SPAG17: variants seen among roughly 807,000 people sequenced by gnomAD.
The protein encoded by SPAG17 is sperm-associated antigen 17.
In SPAG17, 169 loss-of-function variants were observed where a neutral mutation model predicts 273.6. The observed-to-expected ratio is 0.62, with a 90% CI of 0.55 to 0.70. The LOEUF (loss-of-function observed/expected upper bound fraction) is 0.70, where lower values mean the gene tolerates loss of function less well. SPAG17 is among the 30% of genes least tolerant of loss of function. The probability of loss-of-function intolerance (pLI) is 0.00; values close to 1 mark genes in which losing one functional copy is unlikely to be tolerated. For synonymous variants in SPAG17, 825 were observed against 873.2 expected (o/e 0.94, Z 0.97); for missense variants, 2,557 against 2,627.8 (o/e 0.97, Z 0.59).
At chr1:117,980,147 C>A (rs1172654772) in intron 43 of SPAG17, among the ~76,000 whole-genome samples, 2 of 152,148 alleles carry the variant, frequency 1.3e-5, no homozygotes, top group Non-Finnish European at 2.9e-5. Context: ...AGTAATTATC[C>A]ACTGAATGAA....
intron 1 of SPAG17, among the ~76,000 whole-genome samples, chr1:118,152,491 T>C (rs1659442414): frequency 6.6e-6 from 1 of 152,228 alleles, no homozygotes; most frequent in Non-Finnish European, 1.5e-5. Context: ...GTATTAATTC[T>C]TTCTTACCAT....
chr1:118,112,277 C>G (rs1656806707), intron 4 of SPAG17, among the ~76,000 whole-genome samples: 1 of 151,764 alleles, frequency 6.6e-6, no homozygotes, highest in African/African-American at 2.4e-5. Context: ...ATATAATATT[C>G]AGATAATGAC....
At chr1:118,115,258 C>T in intron 4 of SPAG17, 52 bp downstream of exon 4, 1 of 1,596,552 alleles carries the variant, frequency 6.3e-7, no homozygotes, top group Non-Finnish European at 8.5e-7. Flanking sequence ...AACCTGGCTC[C>T]ATTTCATTCA....
chr1:118,003,308 T>C lies in SPAG17; in HGVS notation c.4776+2106A>G, dbSNP rs900889546. ...GAATTTGACACTTGTGTCTTGGGGTTGCTCTTCTCGAGGAGTATCTTTGTG... is the reference window on the plus strand; with the variant it reads ...GAATTTGACACTTGTGTCTTGGGGTCGCTCTTCTCGAGGAGTATCTTTGTG... On this transcript the variant is annotated intron_variant, in intron 32 of 48. Transcript: ENST00000336338. 3.9e-5 allele frequency among the ~76,000 whole-genome samples: 6 copies of C among 152,188 alleles called. No homozygotes were observed. The South Asian group carries it at 6.2e-4, about 16-fold the overall frequency.
intron 36 of SPAG17, among the ~76,000 whole-genome samples, 191 bp from the exon 37 acceptor site, chr1:117,991,719 T>G (rs1657098943): frequency 6.6e-6 from 1 of 152,094 alleles, no homozygotes; most frequent in Non-Finnish European, 1.5e-5. Context: ...ACCTGAGAAG[T>G]GCAAAAGCAA....
chr1:118,150,162 G>A (rs979030061), intron 3 of SPAG17, among the ~76,000 whole-genome samples: 1 of 151,940 alleles, frequency 6.6e-6, no homozygotes, highest in African/African-American at 2.4e-5. Context: ...TGTTTTTTTC[G>A]AGAAACTAAC....
intron 48 of SPAG17, chr1:117,955,215 TAAG>T (rs1241285866): frequency 3.2e-5 from 31 of 976,196 alleles, no homozygotes; most frequent in Non-Finnish European, 4.0e-5. Context: ...TTTTCTGAAG[TAAG>T]AAGGAGGGGT....
intron 28 of SPAG17, among the ~76,000 whole-genome samples, chr1:118,020,526 T>G (rs1470804069): frequency 6.6e-6 from 1 of 151,634 alleles, no homozygotes; most frequent in Non-Finnish European, 1.5e-5. Context: ...TCTAAATGTA[T>G]GAATATCTAT....
intron 44 of SPAG17, among the ~76,000 whole-genome samples, chr1:117,973,196 C>T (rs1275681031): frequency 6.6e-6 from 1 of 152,114 alleles, no homozygotes; most frequent in Non-Finnish European, 1.5e-5. Context: ...TGAGCCAGCT[C>T]CACCAAAGCA....
intron 5 of SPAG17, 68 bp downstream of exon 5, chr1:118,101,672 C>G (rs1181990596): frequency 6.8e-7 from 1 of 1,467,210 alleles, no homozygotes; most frequent in East Asian, 2.3e-5. Context: ...ACCAAATTAA[C>G]TGGTCTCATT....
At chr1:118,081,980 G>A (rs1330420881) in intron 13 of SPAG17, among the ~76,000 whole-genome samples, 1 of 152,140 alleles carries the variant, frequency 6.6e-6, no homozygotes, top group African/African-American at 2.4e-5. Flanking sequence ...TTATTTTTGA[G>A]TGAAAGCACC....
chr1:117,971,972 G>T lies in SPAG17; in HGVS notation c.6217C>A (p.Leu2073Ile), dbSNP rs1477730159. 1.2e-6 allele frequency: 2 copies of T among 1,613,998 alleles called. No individual in the cohort carries two copies. Among genetic ancestry groups the T allele is most frequent in the African/African-American group, 2.7e-5 (2 of 74,902 alleles). ...SAAINNAKSS[L>I]FGFHLLPSSV... ...GATGGGAGAAGATGGAACCCAAAAAGGGATGACTTTGCATTATTAATGGCA... is the reference window on the plus strand; with the variant it reads ...GATGGGAGAAGATGGAACCCAAAAATGGATGACTTTGCATTATTAATGGCA... Residue 2073 changes from leucine to isoleucine, a missense_variant, in exon 45 of 49, where the codon CTT becomes ATT. Coordinates refer to ENST00000336338, the MANE Select transcript of SPAG17 (RefSeq NM_206996.4).
chr1:118,143,126 T>C (rs1305197209), intron 3 of SPAG17, among the ~76,000 whole-genome samples: 1 of 152,206 alleles, frequency 6.6e-6, no homozygotes, highest in Non-Finnish European at 1.5e-5. Flanking sequence ...TTTGATCTCT[T>C]CATCATCTGC....
At chr1:118,181,069 C>T (rs1218903676) in intron 1 of SPAG17, among the ~76,000 whole-genome samples, 1 of 151,760 alleles carries the variant, frequency 6.6e-6, no homozygotes, top group East Asian at 1.9e-4. Context: ...CAATTTAAGA[C>T]AGATTATTAT....
At chr1:118,115,217 G>A in intron 4 of SPAG17, 93 bp downstream of exon 4, 2 of 1,446,766 alleles carry the variant, frequency 1.4e-6, no homozygotes, top group South Asian at 1.2e-5. Flanking sequence ...CTTAATGGTA[G>A]GCTTAAGAAG....
chr1:118,053,789 T>C (rs1651335056), intron 20 of SPAG17, among the ~76,000 whole-genome samples: 1 of 151,984 alleles, frequency 6.6e-6, no homozygotes, highest in Non-Finnish European at 1.5e-5. Flanking sequence ...AAAAATAAGC[T>C]ATAACATATA....
In SPAG17 at chr1:118,099,813, C is replaced by A. The variant is rs370448376; in HGVS notation, c.635-13G>T. On this transcript the variant is annotated splice_polypyrimidine_tract_variant and intron_variant, in intron 5 of 48. Coordinates refer to ENST00000336338, the MANE Select transcript of SPAG17 (RefSeq NM_206996.4). ...TCTGGCTCATCGTCTGTTCAAAATACCATAAAGAAGAGCAGCCATCATTGT... is the reference window on the plus strand; with the variant it reads ...TCTGGCTCATCGTCTGTTCAAAATAACATAAAGAAGAGCAGCCATCATTGT... 5.7e-5 allele frequency: 91 copies of A among 1,607,332 alleles called. No homozygotes were observed. The highest frequency in any genetic ancestry group is 7.6e-6 in the Non-Finnish European group (9 of 1,176,660).
chr1:118,040,060 TA>T (rs1649554748), intron 22 of SPAG17, among the ~76,000 whole-genome samples: 1 of 152,160 alleles, frequency 6.6e-6, no homozygotes. Flanking sequence ...TTATAAAAAT[TA>T]TGTTATAGTA....
chr1:118,142,384 T>G (rs1162660983), intron 3 of SPAG17, among the ~76,000 whole-genome samples: 1 of 152,162 alleles, frequency 6.6e-6, no homozygotes, highest in African/African-American at 2.4e-5. Flanking sequence ...GATGAAAAAG[T>G]TGTGAACGTT....
Sources: allele counts gnomAD v4.1 joint callset (sites outside exome capture counted in the v4.1 genomes callset), GRCh38; gene constraint gnomAD v4.1.1; transcripts MANE v1.5; gene names NCBI Gene and HGNC (gene_info 2026-07-23, HGNC 2026-07-21).